The following ARMH3 variants were observed in gnomAD, a reference collection of about 807,000 sequenced individuals.
The protein encoded by ARMH3 is armadillo like helical domain containing 3, also known as armadillo-like helical domain-containing protein 3.
ARMH3 carries 60 observed loss-of-function variants against 99.1 expected under a neutral mutation model. The ratio of observed to expected loss-of-function variants is 0.61; its 90% CI spans 0.49 to 0.75. ARMH3 has a LOEUF of 0.75. Ranked by LOEUF, ARMH3 falls within the 30% of genes least tolerant of loss-of-function variation. The pLI is 0.00. For missense variants in ARMH3, 679 were observed against 843.1 expected (o/e 0.81, Z 2.41); for synonymous variants, 285 against 292.8 (o/e 0.97, Z 0.27).
Position 102,033,210 on chromosome 10 carries a change from A to G in ARMH3, c.160-38T>C, listed in dbSNP as rs536600369. ...CAAATAAGGGGCAGAGTGCATTTTT[A>G]GCTTAGCGCCTAGAATATATGAGAA... On this transcript the variant is annotated intron_variant, in intron 3 of 25. Transcript: ENST00000370033. The G allele has an allele frequency of 5.0e-6, 8 of 1,613,878 alleles. No homozygotes were observed. The South Asian group carries it at 7.7e-5, about 16-fold the overall frequency.
At chr10:101,909,561 C>G (rs1019199275) in intron 23 of ARMH3, among the ~76,000 whole-genome samples, 1 of 150,850 alleles carries the variant, frequency 6.6e-6, no homozygotes, top group Non-Finnish European at 1.5e-5. Flanking sequence ...CTCAACCTCC[C>G]CAAGCTCATG....
chr10:101,987,382 A>G (rs868758935), intron 19 of ARMH3, among the ~76,000 whole-genome samples: 1 of 152,134 alleles, frequency 6.6e-6, no homozygotes, highest in African/African-American at 2.4e-5. Flanking sequence ...CAACCTTCCG[A>G]TATCTTCTCT....
chr10:102,032,952 C>T, intron 4 of ARMH3, 74 bp downstream of exon 4: 1 of 1,511,632 alleles, frequency 6.6e-7, no homozygotes, highest in Non-Finnish European at 9.0e-7. Flanking sequence ...ACTCTAGGTT[C>T]CTCAGTTCAA....
chr10:101,875,907 A>G (rs2067249814), intron 24 of ARMH3, among the ~76,000 whole-genome samples: 1 of 152,134 alleles, frequency 6.6e-6, no homozygotes, highest in African/African-American at 2.4e-5. Flanking sequence ...AAGGCATCCA[A>G]TCACACTAAT....
At chr10:101,918,415 ATAGT>A (rs1843173148) in intron 23 of ARMH3, among the ~76,000 whole-genome samples, 1 of 152,180 alleles carries the variant, frequency 6.6e-6, no homozygotes, top group Non-Finnish European at 1.5e-5. Context: ...CAACTCATTC[ATAGT>A]TAGTCTACTT....
intron 20 of ARMH3, among the ~76,000 whole-genome samples, chr10:101,968,522 A>T (rs1845633148): frequency 6.6e-6 from 1 of 152,214 alleles, no homozygotes; most frequent in East Asian, 1.9e-4. Context: ...AGCACAGCTA[A>T]TCCTTCCCTG....
chr10:101,875,495 A>G (rs2067238913), intron 24 of ARMH3, among the ~76,000 whole-genome samples: 1 of 152,210 alleles, frequency 6.6e-6, no homozygotes, highest in Non-Finnish European at 1.5e-5. Flanking sequence ...GCCACCCTGT[A>G]TATAATAGGC....
chr10:102,034,924 TAAATAAA>T (rs1251845243), intron 2 of ARMH3, among the ~76,000 whole-genome samples: 3 of 151,462 alleles, frequency 2.0e-5, no homozygotes, highest in African/African-American at 7.3e-5. Context: ...CAAAAATAAA[TAAATAAA>T]AAATAAAAAT....
At chr10:102,025,037 G>T in intron 6 of ARMH3, 119 bp downstream of exon 6, 1 of 814,388 alleles carries the variant, frequency 1.2e-6, no homozygotes, top group Non-Finnish European at 2.0e-6. Context: ...ACGAGGGAGT[G>T]ATGTAATACC....
At chr10:101,895,360 A>G (rs2067799519) in intron 23 of ARMH3, among the ~76,000 whole-genome samples, 1 of 151,372 alleles carries the variant, frequency 6.6e-6, no homozygotes, top group African/African-American at 2.4e-5. Flanking sequence ...GCTCACTGCA[A>G]GCTCCACCTC....
chr10:102,010,150 C>CCATA (rs1411964099), intron 11 of ARMH3, 127 bp from the exon 12 acceptor site: 1 of 745,506 alleles, frequency 1.3e-6, no homozygotes, highest in Non-Finnish European at 2.2e-6. Context: ...GAACTCTAGG[C>CCATA]CATAAGTCAC....
chr10:101,871,292 T>C (rs1050345201), intron 24 of ARMH3, among the ~76,000 whole-genome samples: 1 of 152,192 alleles, frequency 6.6e-6, no homozygotes, highest in African/African-American at 2.4e-5. Context: ...TTAATGCAAT[T>C]CTAATCAAAA....
chr10:101,904,229 A>G (rs2068048066), intron 23 of ARMH3, among the ~76,000 whole-genome samples: 1 of 152,220 alleles, frequency 6.6e-6, no homozygotes, highest in African/African-American at 2.4e-5. Context: ...TGAGAAACAC[A>G]GAAGAGAACC....
At chr10:101,895,304 G>T (rs528185180) in intron 23 of ARMH3, among the ~76,000 whole-genome samples, 1 of 149,458 alleles carries the variant, frequency 6.7e-6, no homozygotes, top group Non-Finnish European at 1.5e-5. Flanking sequence ...TTTCGAGAGG[G>T]CGTCTCGCTC....
chr10:101,862,707 T>TAA (rs893733974), intron 24 of ARMH3, among the ~76,000 whole-genome samples: 7 of 136,388 alleles, frequency 5.1e-5, no homozygotes, highest in Admixed American at 2.2e-4. Context: ...AATGAAATCA[T>TAA]AAAAAAAAAA....
intron 24 of ARMH3, among the ~76,000 whole-genome samples, chr10:101,887,078 A>G (rs1008532808): frequency 1.3e-5 from 2 of 152,226 alleles, no homozygotes; most frequent in Admixed American, 6.5e-5. Context: ...GAAGTGCTCC[A>G]ACACATGCTG....
chr10:101,959,406 G>C (rs1345078329), intron 20 of ARMH3, among the ~76,000 whole-genome samples: 1 of 152,190 alleles, frequency 6.6e-6, no homozygotes, highest in Non-Finnish European at 1.5e-5. Flanking sequence ...TAAAATCATA[G>C]AGGCGAGAGA....
At chr10:102,026,014 T>G (rs558682886) in intron 5 of ARMH3, among the ~76,000 whole-genome samples, 1 of 152,242 alleles carries the variant, frequency 6.6e-6, no homozygotes, top group South Asian at 2.1e-4. Context: ...AAAGAAACAG[T>G]ATCATTACAG....
At chr10:101,933,658 C>T (rs1034362226) in intron 23 of ARMH3, among the ~76,000 whole-genome samples, 1 of 152,066 alleles carries the variant, frequency 6.6e-6, no homozygotes, top group Non-Finnish European at 1.5e-5. Context: ...CTGCATAATG[C>T]TTTTCATTTT....
Sources: allele counts gnomAD v4.1 joint callset (sites outside exome capture counted in the v4.1 genomes callset), GRCh38; gene constraint gnomAD v4.1.1; transcripts MANE v1.5; gene names NCBI Gene and HGNC (gene_info 2026-07-23, HGNC 2026-07-21).